Variants in TACR3 observed in about 807,000 individuals in gnomAD.
The protein encoded by TACR3 is tachykinin receptor 3.
TACR3 carries 34 observed loss-of-function variants against 35.0 expected under a neutral mutation model. The observed-to-expected ratio is 0.97, with a 90% confidence interval of 0.74 to 1.30. The LOEUF is 1.30. TACR3 is among the 50% of genes most tolerant of loss of function. The probability of loss-of-function intolerance (pLI) is 0.00; values close to 1 mark genes in which losing one functional copy is unlikely to be tolerated. For missense variants in TACR3, 558 were observed against 591.7 expected, an observed-to-expected ratio of 0.94 and a Z score of 0.59; for synonymous variants, 233 against 221.1, an observed-to-expected ratio of 1.05 and a Z score of -0.48.
intron 3 of TACR3, among the ~76,000 whole-genome samples, chr4:103,593,002 C>A (rs1472278731): frequency 2.0e-5 from 3 of 152,192 alleles, no homozygotes; most frequent in Non-Finnish European, 4.4e-5. Flanking sequence ...CTGGCCACAT[C>A]ACATAATATC....
intron 3 of TACR3, among the ~76,000 whole-genome samples, chr4:103,634,292 A>T (rs1477811438): frequency 6.6e-6 from 1 of 152,124 alleles, no homozygotes; most frequent in Non-Finnish European, 1.5e-5. Flanking sequence ...TTCAAATGAG[A>T]TAAATGTAAA....
chr4:103,695,469 T>C (rs1302337422), intron 1 of TACR3, among the ~76,000 whole-genome samples: 1 of 152,202 alleles, frequency 6.6e-6, no homozygotes, highest in Non-Finnish European at 1.5e-5. Flanking sequence ...CTCTTCCTTA[T>C]GATTTTCTTA....
chr4:103,598,719 C>T (rs893871964), intron 3 of TACR3, among the ~76,000 whole-genome samples: 1 of 152,112 alleles, frequency 6.6e-6, no homozygotes, highest in African/African-American at 2.4e-5. Context: ...GAATCCTTTC[C>T]CCATTTCTTG....
chr4:103,710,586 A>C (rs1722922653), intron 1 of TACR3, among the ~76,000 whole-genome samples: 1 of 152,168 alleles, frequency 6.6e-6, no homozygotes, highest in Non-Finnish European at 1.5e-5. Flanking sequence ...AAAGAACTAG[A>C]GAAGGAAGAG....
intron 1 of TACR3, among the ~76,000 whole-genome samples, chr4:103,675,266 A>G (rs1225237852): frequency 1.3e-5 from 2 of 152,098 alleles, no homozygotes; most frequent in Non-Finnish European, 2.9e-5. Context: ...TCTTCACAAT[A>G]TCTCCAAAGT....
chr4:103,609,837 AG>A (rs1425832049), intron 3 of TACR3, among the ~76,000 whole-genome samples: 3 of 152,086 alleles, frequency 2.0e-5, no homozygotes, highest in Admixed American at 2.0e-4. Context: ...TTCTTCTATA[AG>A]GTAAACTTTG....
At chr4:103,611,122 T>C (rs1724503545) in intron 3 of TACR3, among the ~76,000 whole-genome samples, 1 of 152,196 alleles carries the variant, frequency 6.6e-6, no homozygotes, top group Non-Finnish European at 1.5e-5. Flanking sequence ...TATAATTTCA[T>C]GAAAATTTTA....
chr4:103,655,490 A>T (rs746528877), intron 3 of TACR3, among the ~76,000 whole-genome samples: 2 of 152,132 alleles, frequency 1.3e-5, no homozygotes, highest in Non-Finnish European at 2.9e-5. Flanking sequence ...CCACAAATTT[A>T]TGAAAAAAAT....
At chr4:103,708,835 T>C (rs1312437744) in intron 1 of TACR3, among the ~76,000 whole-genome samples, 1 of 152,200 alleles carries the variant, frequency 6.6e-6, no homozygotes. Context: ...GTGAAAGCCA[T>C]GGCACGAGAA....
chr4:103,595,901 TC>T (rs1050457979), intron 3 of TACR3, among the ~76,000 whole-genome samples: 2 of 68,648 alleles, frequency 2.9e-5, no homozygotes, highest in Non-Finnish European at 2.7e-5. Flanking sequence ...CCCTCCCCCC[TC>T]CCCCCACCCC....
At chr4:103,706,052 A>G (rs1457670961) in intron 1 of TACR3, among the ~76,000 whole-genome samples, 2 of 152,174 alleles carry the variant, frequency 1.3e-5, no homozygotes, top group African/African-American at 2.4e-5. Flanking sequence ...AGACCAGAAA[A>G]GACATGAGGG....
chr4:103,657,971 G>A (rs1190973697), intron 2 of TACR3, among the ~76,000 whole-genome samples: 1 of 145,948 alleles, frequency 6.9e-6, no homozygotes, highest in African/African-American at 2.5e-5. Context: ...CTTCCTTCAG[G>A]AAACTCTCCA....
intron 1 of TACR3, among the ~76,000 whole-genome samples, chr4:103,666,893 C>G (rs533702328): frequency 2.3e-4 from 35 of 152,242 alleles, no homozygotes; most frequent in African/African-American, 8.2e-4. Context: ...GTCTCAAAAA[C>G]CACTTCCATA....
intron 3 of TACR3, among the ~76,000 whole-genome samples, chr4:103,594,233 A>G (rs565780641): frequency 1.3e-5 from 2 of 151,052 alleles, no homozygotes; most frequent in Admixed American, 1.3e-4. Flanking sequence ...GCTGGAGTGC[A>G]GTGGTGCGAT....
At chr4:103,705,096 A>G (rs569078078) in intron 1 of TACR3, among the ~76,000 whole-genome samples, 1 of 152,030 alleles carries the variant, frequency 6.6e-6, no homozygotes, top group Non-Finnish European at 1.5e-5. Flanking sequence ...ATGAGTTTTT[A>G]TTAAAAATCT....
chr4:103,701,612 A>G (rs1430387110), intron 1 of TACR3, among the ~76,000 whole-genome samples: 2 of 152,336 alleles, frequency 1.3e-5, no homozygotes, highest in African/African-American at 4.8e-5. Flanking sequence ...AGCCAAAAGA[A>G]CAAAGCTGGA....
intron 1 of TACR3, among the ~76,000 whole-genome samples, chr4:103,714,157 A>G (rs1405396997): frequency 6.6e-6 from 1 of 152,048 alleles, no homozygotes; most frequent in East Asian, 1.9e-4. Context: ...CTTTTTCTTT[A>G]ATAAATAAGA....
chr4:103,710,257 G>C (rs1262154264), intron 1 of TACR3, among the ~76,000 whole-genome samples: 2 of 152,180 alleles, frequency 1.3e-5, no homozygotes, highest in East Asian at 3.9e-4. Context: ...ACCGTTGGAA[G>C]TAAAGCACTC....
intron 1 of TACR3, among the ~76,000 whole-genome samples, chr4:103,671,475 G>A (rs569540783): frequency 1.3e-5 from 2 of 151,786 alleles, no homozygotes; most frequent in African/African-American, 4.8e-5. Context: ...ACATAATATT[G>A]GGCTATTTAG....
Sources: gnomAD v4.1 joint callset for allele counts (sites outside exome capture counted in the v4.1 genomes callset) on GRCh38, gnomAD v4.1.1 for gene constraint, MANE v1.5 for transcripts, NCBI Gene and HGNC (gene_info 2026-07-23, HGNC 2026-07-21) for gene names.